ADGRG4: variants seen among roughly 807,000 people sequenced by gnomAD.
ADGRG4 encodes the protein G protein-coupled receptor 112.
A neutral mutation model predicts 126.2 loss-of-function variants in ADGRG4; 122 were observed. The observed-to-expected ratio is 0.97, with a 90% CI of 0.83 to 1.12. The LOEUF (loss-of-function observed/expected upper bound fraction) is 1.12, where lower values mean the gene tolerates loss of function less well. Among genes scored for constraint, ADGRG4 ranks in the 50% most tolerant of loss-of-function variants. ADGRG4 has a pLI of 0.00. For synonymous variants in ADGRG4, 943 were observed against 838.7 expected, an observed-to-expected ratio of 1.12 and a Z score of -2.15; for missense variants, 2,481 against 2,251.8, an observed-to-expected ratio of 1.10 and a Z score of -2.06.
chrX:136,394,156 C>T (rs1238568850), intron 18 of ADGRG4, among the ~76,000 whole-genome samples: 2 of 110,967 alleles, frequency 1.8e-5, no homozygotes, highest in Non-Finnish European at 1.9e-5. Context: ...GTCTTTTTAT[C>T]TTTTCATTGA....
At chrX:136,336,980 G>T (rs2074951537) in intron 5 of ADGRG4, among the ~76,000 whole-genome samples, 1 of 110,328 alleles carries the variant, frequency 9.1e-6, no homozygotes, top group Non-Finnish European at 1.9e-5. Flanking sequence ...TTTTTGAAGG[G>T]ATCTTGTTCT....
At chrX:136,390,415 T>C (rs1297288005) in intron 16 of ADGRG4, among the ~76,000 whole-genome samples, 1 of 111,070 alleles carries the variant, frequency 9.0e-6, no homozygotes, top group African/African-American at 3.3e-5. Flanking sequence ...ACACCTCCTC[T>C]AGCTGTGATT....
intron 23 of ADGRG4, among the ~76,000 whole-genome samples, chrX:136,407,942 C>G (rs1461098073): frequency 8.9e-6 from 1 of 112,028 alleles, no homozygotes; most frequent in African/African-American, 3.3e-5. Flanking sequence ...ATAGAATGTC[C>G]ACGGAAACGG....
intron 22 of ADGRG4, among the ~76,000 whole-genome samples, chrX:136,404,967 T>C (rs1326912050): frequency 8.9e-6 from 1 of 112,136 alleles, no homozygotes; most frequent in Non-Finnish European, 1.9e-5. Context: ...GTCAAGCTTC[T>C]CTGTGTTCAA....
Position 136,348,492 on chromosome X carries a change from A to AC in ADGRG4, c.4791dup (p.Arg1598GlnfsTer86). On this transcript the variant is annotated frameshift_variant, in exon 6 of 26. Coordinates refer to ENST00000394143, the MANE Select transcript of ADGRG4 (RefSeq NM_153834.4). LOFTEE classifies it high-confidence loss of function. ...ATTCTCTACTTTATTGTCTTCAGTTACCCCCAGGACTACTATGACCATGCA... is the reference window on the plus strand; with the variant it reads ...ATTCTCTACTTTATTGTCTTCAGTTACCCCCCAGGACTACTATGACCATGCA... 2 of 1,208,729 alleles carry AC rather than the reference A, an allele frequency of 1.7e-6. No individual in the cohort carries two copies. Among genetic ancestry groups the AC allele is most frequent in the Non-Finnish European group, 2.2e-6 (2 of 893,418 alleles).
At chrX:136,384,668 G>A (rs1001262852) in intron 15 of ADGRG4, among the ~76,000 whole-genome samples, 3 of 111,081 alleles carry the variant, frequency 2.7e-5, no homozygotes, top group Admixed American at 1.9e-4. Context: ...CTTTATGCTT[G>A]AAGGATATTT....
chrX:136,314,836 C>T (rs953784174), intron 4 of ADGRG4, among the ~76,000 whole-genome samples: 4 of 112,357 alleles, frequency 3.6e-5, no homozygotes, highest in African/African-American at 1.3e-4. Context: ...GCTCAGTGAC[C>T]ATCACTGTTG....
At chrX:136,332,860 T>C (rs1460993103) in intron 5 of ADGRG4, among the ~76,000 whole-genome samples, 9 of 110,249 alleles carry the variant, frequency 8.2e-5, no homozygotes, top group African/African-American at 3.0e-4. Flanking sequence ...GTTGTTTGTT[T>C]TTTTCTTGTA....
intron 5 of ADGRG4, among the ~76,000 whole-genome samples, chrX:136,342,031 T>A (rs1038086780): frequency 8.9e-6 from 1 of 112,023 alleles, no homozygotes; most frequent in African/African-American, 3.2e-5. Context: ...TTTTACTATG[T>A]ACCATTTTCA....
chrX:136,301,315 A>T (rs2148440100), intron 1 of ADGRG4, among the ~76,000 whole-genome samples: 1 of 111,897 alleles, frequency 8.9e-6, no homozygotes, highest in East Asian at 2.8e-4. Context: ...TGTGGTTTTG[A>T]TTTGCATTTC....
chrX:136,371,278 G>A (rs922987923), intron 13 of ADGRG4, 50 bp from the exon 14 acceptor site: 1 of 849,681 alleles, frequency 1.2e-6, no homozygotes, highest in Non-Finnish European at 1.7e-6. Context: ...ACACCAGAAT[G>A]GCAGAAGACT....
intron 23 of ADGRG4, among the ~76,000 whole-genome samples, chrX:136,408,380 CT>C (rs1352138461): frequency 6.3e-5 from 7 of 111,653 alleles, no homozygotes; most frequent in East Asian, 2.8e-4. Flanking sequence ...TCTTCTCCCC[CT>C]AATAGTCCCC....
At chrX:136,333,706 T>G (rs958966062) in intron 5 of ADGRG4, among the ~76,000 whole-genome samples, 1 of 109,894 alleles carries the variant, frequency 9.1e-6, no homozygotes, top group Non-Finnish European at 1.9e-5. Flanking sequence ...TTAGTAGAGA[T>G]GAGGTCTCAC....
chrX:136,364,650 C>T (rs759772179), intron 13 of ADGRG4, among the ~76,000 whole-genome samples: 8 of 111,190 alleles, frequency 7.2e-5, no homozygotes, highest in African/African-American at 2.0e-4. Flanking sequence ...TTTAAAAATA[C>T]TCACATGTTT....
chrX:136,405,165 C>T (rs942336612), intron 22 of ADGRG4, among the ~76,000 whole-genome samples: 4 of 111,894 alleles, frequency 3.6e-5, no homozygotes, highest in Non-Finnish European at 7.5e-5. Flanking sequence ...CTTTTTGTAG[C>T]ATTTTCATTA....
intron 15 of ADGRG4, among the ~76,000 whole-genome samples, chrX:136,379,013 G>C (rs954541874): frequency 9.0e-6 from 1 of 111,608 alleles, no homozygotes; most frequent in Non-Finnish European, 1.9e-5. Flanking sequence ...AAAGTGAGTT[G>C]GGAAACGGTC....
chrX:136,327,271 T>C (rs895105262), intron 5 of ADGRG4, among the ~76,000 whole-genome samples: 1 of 110,834 alleles, frequency 9.0e-6, no homozygotes, highest in Non-Finnish European at 1.9e-5. Flanking sequence ...CATGAGTGTG[T>C]ACAGTTTTTA....
chrX:136,403,142 GCTTATTTAAACAGTGT>G, intron 21 of ADGRG4, 86 bp from the exon 22 acceptor site: 1 of 585,580 alleles, frequency 1.7e-6, no homozygotes, highest in Non-Finnish European at 2.9e-6. Context: ...CACATCTGTG[GCTTATTTAAACAGTGT>G]CTTAATGTAT....
chrX:136,351,333 TG>T, intron 6 of ADGRG4, 113 bp from the exon 7 acceptor site: 1 of 372,175 alleles, frequency 2.7e-6, no homozygotes, highest in Non-Finnish European at 4.6e-6. Context: ...AGTTTAGGCA[TG>T]AGACGTTATT....
Sources: allele counts gnomAD v4.1 joint callset (sites outside exome capture counted in the v4.1 genomes callset), GRCh38; gene constraint gnomAD v4.1.1; transcripts MANE v1.5; gene names NCBI Gene and HGNC (gene_info 2026-07-23, HGNC 2026-07-21).